The following SEMA5A variants were observed in gnomAD, a reference collection of about 807,000 sequenced individuals.
SEMA5A encodes the protein semaphorin-5A.
Under a neutral mutation model 135.5 loss-of-function variants are expected in SEMA5A, and 55 were observed. The ratio of observed to expected loss-of-function variants is 0.41; its 90% CI spans 0.33 to 0.51. The LOEUF is 0.51. Ranked by LOEUF, SEMA5A falls within the 20% of genes least tolerant of loss-of-function variation. SEMA5A has a pLI of 0.37. For synonymous variants in SEMA5A, 580 were observed against 546.5 expected (o/e 1.06, Z -0.85); for missense variants, 1,290 against 1,419.9 (o/e 0.91, Z 1.47).
chr5:9,542,602 T>C (rs1347061452), intron 1 of SEMA5A, among the ~76,000 whole-genome samples: 1 of 152,220 alleles, frequency 6.6e-6, no homozygotes, highest in African/African-American at 2.4e-5. Context: ...CACCTTGGTA[T>C]AATTATACCC....
At chr5:9,205,589 T>C (rs562300694) in intron 8 of SEMA5A, among the ~76,000 whole-genome samples, 1 of 152,306 alleles carries the variant, frequency 6.6e-6, no homozygotes, top group East Asian at 1.9e-4. Flanking sequence ...GCCTCTACCA[T>C]ATCTCCAAAC....
intron 1 of SEMA5A, among the ~76,000 whole-genome samples, chr5:9,538,254 T>C (rs1013021560): frequency 5.5e-5 from 3 of 54,238 alleles, no homozygotes; most frequent in African/African-American, 1.2e-4. Flanking sequence ...AATTCTTTGA[T>C]TCTTCTCTAA....
At chr5:9,275,113 G>A (rs1437161648) in intron 5 of SEMA5A, among the ~76,000 whole-genome samples, 2 of 151,762 alleles carry the variant, frequency 1.3e-5, no homozygotes, top group Non-Finnish European at 2.9e-5. Context: ...AAAGAGAGAA[G>A]AATCAAGTAG....
At chr5:9,519,422 G>A (rs1167425135) in intron 1 of SEMA5A, among the ~76,000 whole-genome samples, 1 of 152,130 alleles carries the variant, frequency 6.6e-6, no homozygotes, top group East Asian at 1.9e-4. Flanking sequence ...TTCAATGCTG[G>A]GTTGACAAGC....
intron 2 of SEMA5A, among the ~76,000 whole-genome samples, chr5:9,432,988 C>T (rs1026432901): frequency 1.8e-4 from 27 of 152,096 alleles, no homozygotes; most frequent in African/African-American, 4.6e-4. Context: ...TTCTCCCTAA[C>T]GAAGAATGAA....
chr5:9,154,974 CG>C (rs1382975772), intron 11 of SEMA5A, among the ~76,000 whole-genome samples: 2 of 152,102 alleles, frequency 1.3e-5, no homozygotes, highest in Non-Finnish European at 1.5e-5. Flanking sequence ...TTCCAAGTCT[CG>C]GGATGGAGAG....
chr5:9,270,703 G>T (rs1211617991), intron 5 of SEMA5A, among the ~76,000 whole-genome samples: 2 of 151,920 alleles, frequency 1.3e-5, no homozygotes, highest in African/African-American at 4.8e-5. Flanking sequence ...GGGGCAGCGG[G>T]TGGGGGCAGG....
intron 2 of SEMA5A, among the ~76,000 whole-genome samples, chr5:9,398,302 A>G (rs1756490476): frequency 6.6e-6 from 1 of 152,244 alleles, no homozygotes; most frequent in African/African-American, 2.4e-5. Context: ...GCAAGCATCC[A>G]TAACTTCCTA....
intron 1 of SEMA5A, among the ~76,000 whole-genome samples, chr5:9,453,211 AAGTGTATTTGCAACCTC>A (rs1758711220): frequency 1.3e-5 from 2 of 152,194 alleles, no homozygotes; most frequent in African/African-American, 4.8e-5. Flanking sequence ...CTGTTAGCTA[AAGTGTATTTGCAACCTC>A]AGAATCAAAA....
At chr5:9,254,295 G>T (rs1391016606) in intron 5 of SEMA5A, among the ~76,000 whole-genome samples, 1 of 152,140 alleles carries the variant, frequency 6.6e-6, no homozygotes, top group Non-Finnish European at 1.5e-5. Context: ...GAGAAGTAAA[G>T]GTATATACTG....
intron 13 of SEMA5A, among the ~76,000 whole-genome samples, chr5:9,132,927 T>C (rs1313440154): frequency 6.6e-6 from 1 of 152,266 alleles, no homozygotes; most frequent in East Asian, 1.9e-4. Flanking sequence ...ACCTCTATGA[T>C]CTATATACGT....
At chr5:9,142,789 T>C (rs1034492764) in intron 12 of SEMA5A, among the ~76,000 whole-genome samples, 2 of 152,146 alleles carry the variant, frequency 1.3e-5, no homozygotes, top group Admixed American at 1.3e-4. Context: ...CAACATAGTC[T>C]TGAACCATGT....
At chr5:9,307,718 C>T (rs1751937301) in intron 5 of SEMA5A, among the ~76,000 whole-genome samples, 1 of 152,014 alleles carries the variant, frequency 6.6e-6, no homozygotes. Context: ...TGAGCATGCC[C>T]ATCACTCAGC....
intron 11 of SEMA5A, among the ~76,000 whole-genome samples, chr5:9,183,720 C>A (rs1268252935): frequency 6.6e-6 from 1 of 152,198 alleles, no homozygotes; most frequent in Non-Finnish European, 1.5e-5. Context: ...TTGCTTCTTC[C>A]TCAGATAGTA....
intron 1 of SEMA5A, among the ~76,000 whole-genome samples, chr5:9,451,222 C>T (rs1330727374): frequency 2.6e-5 from 4 of 152,318 alleles, no homozygotes; most frequent in African/African-American, 7.2e-5. Context: ...TCTGTCTCCT[C>T]ACACATCCCG....
chr5:9,504,189 TG>T (rs534423374), intron 1 of SEMA5A, among the ~76,000 whole-genome samples: 2 of 126,746 alleles, frequency 1.6e-5, no homozygotes, highest in South Asian at 4.7e-4. Flanking sequence ...CACTCCAGCC[TG>T]GGACAGAGCA....
rs534832507 is a variant in SEMA5A at position 9,418,056 on chromosome 5, A to G, written c.-78+19700T>C. ...CAGTGGCGTGATCTCGGCTCACTGC[A>G]ACCTCCGCCTCCCGGGTTCACGCCA... On this transcript the variant is annotated intron_variant, in intron 2 of 22. Transcript: ENST00000382496. 1.1e-3 allele frequency among the ~76,000 whole-genome samples: 169 copies of G among 150,702 alleles called. 2 individuals carry two copies. The highest frequency in any genetic ancestry group is 3.4e-3 in the Middle Eastern group (1 of 290).
intron 3 of SEMA5A, among the ~76,000 whole-genome samples, chr5:9,368,689 A>T (rs1313136379): frequency 6.6e-6 from 1 of 152,186 alleles, no homozygotes; most frequent in Non-Finnish European, 1.5e-5. Flanking sequence ...ATTTAGCATG[A>T]TACTCTGAGA....
intron 15 of SEMA5A, among the ~76,000 whole-genome samples, chr5:9,113,055 C>G (rs1740326628): frequency 6.6e-6 from 1 of 152,196 alleles, no homozygotes; most frequent in African/African-American, 2.4e-5. Flanking sequence ...AGGTCTTTCT[C>G]TAGCTGAGCC....
Sources: allele counts gnomAD v4.1 joint callset (sites outside exome capture counted in the v4.1 genomes callset), GRCh38; gene constraint gnomAD v4.1.1; transcripts MANE v1.5; gene names NCBI Gene and HGNC (gene_info 2026-07-23, HGNC 2026-07-21).